CA10: variants seen among roughly 807,000 people sequenced by gnomAD.
CA10 encodes carbonic anhydrase-related protein 10.
CA10 carries 14 observed loss-of-function variants against 44.2 expected under a neutral mutation model. The ratio of observed to expected loss-of-function variants is 0.32; its 90% CI spans 0.21 to 0.50. The LOEUF is 0.50. CA10 is among the 20% of genes least tolerant of loss of function. The pLI is 0.99. For synonymous variants in CA10, 159 were observed against 141.6 expected (o/e 1.12, Z -0.87); for missense variants, 350 against 409.7 (o/e 0.85, Z 1.26).
intron 4 of CA10, among the ~76,000 whole-genome samples, chr17:51,714,742 A>G (rs547820442): frequency 6.6e-6 from 1 of 151,510 alleles, no homozygotes; most frequent in East Asian, 2.0e-4. Context: ...GACAAAAGAA[A>G]TCTGCAGAAC....
intron 4 of CA10, among the ~76,000 whole-genome samples, chr17:51,708,518 G>A (rs986505800): frequency 6.6e-6 from 1 of 152,168 alleles, no homozygotes; most frequent in African/African-American, 2.4e-5. Flanking sequence ...CTTATCCAGT[G>A]ACGTATACTA....
intron 3 of CA10, among the ~76,000 whole-genome samples, chr17:51,751,429 CAT>C (rs1452004302): frequency 6.6e-6 from 1 of 152,116 alleles, no homozygotes; most frequent in East Asian, 1.9e-4. Flanking sequence ...AATTGTATGT[CAT>C]ATGTATTTTA....
intron 2 of CA10, among the ~76,000 whole-genome samples, chr17:52,037,566 C>T (rs1986653167): frequency 6.6e-6 from 1 of 152,066 alleles, no homozygotes; most frequent in Admixed American, 6.6e-5. Flanking sequence ...AGCAATTTTT[C>T]TCCCCATAAT....
At chr17:52,024,494 C>T (rs1445073320) in intron 2 of CA10, among the ~76,000 whole-genome samples, 1 of 149,852 alleles carries the variant, frequency 6.7e-6, no homozygotes, top group Non-Finnish European at 1.5e-5. Flanking sequence ...AAATCACAAG[C>T]TGGAGTCAGT....
intron 3 of CA10, among the ~76,000 whole-genome samples, chr17:51,845,872 G>A (rs559360583): frequency 3.3e-5 from 5 of 152,158 alleles, no homozygotes; most frequent in Non-Finnish European, 7.3e-5. Flanking sequence ...TATTTCAAAC[G>A]TGATCTGAAG....
At chr17:51,845,233 C>G (rs979032358) in intron 3 of CA10, among the ~76,000 whole-genome samples, 1 of 152,172 alleles carries the variant, frequency 6.6e-6, no homozygotes. Flanking sequence ...GCTATGGCAG[C>G]CCTAGAACAT....
intron 2 of CA10, among the ~76,000 whole-genome samples, chr17:51,967,509 TAAAA>T (rs896107664): frequency 2.0e-5 from 3 of 151,830 alleles, no homozygotes; most frequent in Non-Finnish European, 4.4e-5. Context: ...TATGCAGCTA[TAAAA>T]ATGACTGATA....
At chr17:51,893,858 AT>A (rs1490382740) in intron 3 of CA10, among the ~76,000 whole-genome samples, 1 of 152,144 alleles carries the variant, frequency 6.6e-6, no homozygotes, top group Non-Finnish European at 1.5e-5. Context: ...CAACTTATCT[AT>A]TGTCTCTATA....
intron 4 of CA10, among the ~76,000 whole-genome samples, chr17:51,671,407 T>TTTGTA (rs1914416634): frequency 6.8e-5 from 3 of 44,256 alleles, no homozygotes; most frequent in Non-Finnish European, 1.6e-4. Flanking sequence ...TTTTTTTTGT[T>TTTGTA]TTTGTTTTTG....
intron 4 of CA10, among the ~76,000 whole-genome samples, chr17:51,733,726 C>T (rs1055461835): frequency 3.3e-5 from 5 of 152,086 alleles, no homozygotes; most frequent in East Asian, 1.9e-4. Flanking sequence ...ATAGGATTCA[C>T]GGAGGAGTTG....
chr17:51,671,977 A>G (rs1249420042), intron 4 of CA10, among the ~76,000 whole-genome samples: 1 of 152,196 alleles, frequency 6.6e-6, no homozygotes, highest in Non-Finnish European at 1.5e-5. Context: ...TTACAAATCT[A>G]ACCCTAGCCT....
At chr17:51,936,837 C>T (rs976438412) in intron 2 of CA10, among the ~76,000 whole-genome samples, 1 of 152,084 alleles carries the variant, frequency 6.6e-6, no homozygotes, top group African/African-American at 2.4e-5. Flanking sequence ...GAATTGGTTC[C>T]CAAGCAACAG....
intron 3 of CA10, among the ~76,000 whole-genome samples, chr17:51,775,265 C>T (rs1176916517): frequency 6.6e-6 from 1 of 152,136 alleles, no homozygotes; most frequent in Non-Finnish European, 1.5e-5. Flanking sequence ...AAAGACCTGT[C>T]CTCACTGAGG....
At chr17:51,833,982 G>A (rs963127871) in intron 3 of CA10, among the ~76,000 whole-genome samples, 3 of 152,184 alleles carry the variant, frequency 2.0e-5, no homozygotes, top group African/African-American at 7.2e-5. Context: ...GTCATGGTAC[G>A]ACCATGGAAA....
intron 3 of CA10, among the ~76,000 whole-genome samples, chr17:51,853,313 C>T (rs767977650): frequency 6.6e-6 from 1 of 152,158 alleles, no homozygotes; most frequent in Non-Finnish European, 1.5e-5. Flanking sequence ...GTCCCTGATC[C>T]TCAGGCTGTT....
chr17:52,032,092 C>G (rs1986484650), intron 2 of CA10, among the ~76,000 whole-genome samples: 1 of 152,130 alleles, frequency 6.6e-6, no homozygotes, highest in Non-Finnish European at 1.5e-5. Flanking sequence ...AATGCACAAA[C>G]TAAAATGCAC....
chr17:51,831,526 T>C (rs1352552302), intron 3 of CA10, among the ~76,000 whole-genome samples: 2 of 152,250 alleles, frequency 1.3e-5, no homozygotes, highest in Middle Eastern at 3.4e-3. Flanking sequence ...AAGTTGGTTG[T>C]CTAAAGGTCA....
chr17:52,007,920 ATAATT>A (rs1985656449), intron 2 of CA10, among the ~76,000 whole-genome samples: 1 of 151,620 alleles, frequency 6.6e-6, no homozygotes, highest in Admixed American at 6.6e-5. Flanking sequence ...AGCAACTTTA[ATAATT>A]TAATTTATTA....
intron 3 of CA10, among the ~76,000 whole-genome samples, chr17:51,801,311 T>A (rs1410952439): frequency 6.6e-6 from 1 of 152,110 alleles, no homozygotes; most frequent in Non-Finnish European, 1.5e-5. Flanking sequence ...CCATCCAACT[T>A]GTGGTCGTCA....
Sources: gnomAD v4.1 joint callset for allele counts (sites outside exome capture counted in the v4.1 genomes callset) on GRCh38, gnomAD v4.1.1 for gene constraint, MANE v1.5 for transcripts, NCBI Gene and HGNC (gene_info 2026-07-23, HGNC 2026-07-21) for gene names.